Variants in BAIAP2L1 observed in about 807,000 individuals in gnomAD.
The protein encoded by BAIAP2L1 is BAR/IMD domain containing adaptor protein 2 like 1, also known as BAR/IMD domain-containing adapter protein 2-like 1.
In BAIAP2L1, 35 loss-of-function variants were observed where a neutral mutation model predicts 66.3. The observed-to-expected ratio is 0.53, with a 90% CI of 0.40 to 0.70. The LOEUF is 0.70. Ranked by LOEUF, BAIAP2L1 falls within the 30% of genes least tolerant of loss-of-function variation. The pLI is 0.00. For missense variants in BAIAP2L1, 622 were observed against 656.9 expected, an observed-to-expected ratio of 0.95 and a Z score of 0.58; for synonymous variants, 269 against 248.7, an observed-to-expected ratio of 1.08 and a Z score of -0.77.
At chr7:98,317,171 G>A (rs1430452070) in intron 6 of BAIAP2L1, 48 bp downstream of exon 6, 6 of 1,612,568 alleles carry the variant, frequency 3.7e-6, no homozygotes, top group Non-Finnish European at 4.2e-6. Flanking sequence ...CTTAAACTGT[G>A]CAAATTGTCA....
intron 12 of BAIAP2L1, among the ~76,000 whole-genome samples, chr7:98,296,832 T>TA (rs1800211976): frequency 6.6e-6 from 1 of 152,196 alleles, no homozygotes; most frequent in South Asian, 2.1e-4. Context: ...GCTTGGCACA[T>TA]ACGGTGCCTC....
intron 12 of BAIAP2L1, among the ~76,000 whole-genome samples, chr7:98,303,469 G>A (rs998000911): frequency 6.6e-6 from 1 of 152,148 alleles, no homozygotes; most frequent in Non-Finnish European, 1.5e-5. Flanking sequence ...TCCCCACCAC[G>A]CCATCACCTC....
At chr7:98,301,170 T>TG (rs1340566180) in intron 12 of BAIAP2L1, among the ~76,000 whole-genome samples, 4 of 152,194 alleles carry the variant, frequency 2.6e-5, no homozygotes, top group Admixed American at 2.0e-4. Flanking sequence ...GACAGAAGTC[T>TG]GCTGGCCTCA....
chr7:98,361,556 C>A (rs981097713), intron 2 of BAIAP2L1, among the ~76,000 whole-genome samples: 1 of 151,990 alleles, frequency 6.6e-6, no homozygotes, highest in African/African-American at 2.4e-5. Context: ...AACTGTCTTG[C>A]CCATGTTAGA....
intron 1 of BAIAP2L1, among the ~76,000 whole-genome samples, chr7:98,372,547 A>T (rs960030885): frequency 6.6e-6 from 1 of 152,160 alleles, no homozygotes; most frequent in Non-Finnish European, 1.5e-5. Flanking sequence ...CTAAGTAAAT[A>T]TGCAGTTCTG....
At chr7:98,387,787 G>A (rs9640655) in intron 1 of BAIAP2L1, among the ~76,000 whole-genome samples, 38,151 of 151,832 alleles carry the variant, frequency 0.25, 5,038 homozygotes, top group East Asian at 0.45. Context: ...GAATTTGCTT[G>A]AGCCTAGGAG....
At chr7:98,339,855 T>C (rs938844129) in intron 3 of BAIAP2L1, among the ~76,000 whole-genome samples, 12 of 152,182 alleles carry the variant, frequency 7.9e-5, no homozygotes, top group African/African-American at 2.7e-4. Context: ...TAAGTAGCGC[T>C]TGTGAACAAG....
rs556912413 is a variant in BAIAP2L1, at chr7:98,400,434, C to G, written c.51+368G>C. On this transcript the variant is annotated intron_variant, in intron 1 of 13. Transcript: ENST00000005260. The stretch of plus-strand genomic sequence containing the variant: ...AGACACACGGGGGAGAAGGAAGAAC[C>G]AGGAGGAGGGGAGGGACAGTGTCGA... The G allele has an allele frequency of 6.2e-4, 138 of 221,972 alleles. 1 individual carries two copies. The highest frequency in any genetic ancestry group is 1.7e-3 in the Admixed American group (18 of 10,846). 13.8% of individuals were successfully genotyped at this position (221,972 alleles called of 1,614,324 possible). A position where few individuals can be genotyped will look rare whatever the true frequency, so the allele number is the denominator to read the frequency against.
At chr7:98,357,020 A>AAAAATAT (rs1554337328) in intron 2 of BAIAP2L1, among the ~76,000 whole-genome samples, 1 of 28,100 alleles carries the variant, frequency 3.6e-5, no homozygotes, top group African/African-American at 2.3e-4. Flanking sequence ...AAAAAAAAAA[A>AAAAATAT]ATATATATAT....
intron 1 of BAIAP2L1, among the ~76,000 whole-genome samples, chr7:98,387,534 C>A (rs989872803): frequency 6.6e-6 from 1 of 152,108 alleles, no homozygotes; most frequent in African/African-American, 2.4e-5. Context: ...TTCTTGAGTT[C>A]TTACTATGCG....
At chr7:98,385,513 C>T (rs546759662) in intron 1 of BAIAP2L1, among the ~76,000 whole-genome samples, 8 of 151,964 alleles carry the variant, frequency 5.3e-5, no homozygotes, top group South Asian at 2.1e-4. Context: ...CTCGACCTCC[C>T]GGACTCAAGC....
At chr7:98,293,649 G>T in intron 13 of BAIAP2L1, 53 bp from the exon 14 acceptor site, 2 of 1,541,960 alleles carry the variant, frequency 1.3e-6, no homozygotes, top group Non-Finnish European at 1.8e-6. Context: ...AGGGAAACTG[G>T]ATTTTAACAG....
At chr7:98,371,797 CT>C (rs201576582) in intron 1 of BAIAP2L1, among the ~76,000 whole-genome samples, 14,541 of 140,034 alleles carry the variant, frequency 0.1, 841 homozygotes, top group South Asian at 0.18. Flanking sequence ...CTTTTAGTTT[CT>C]TTTTTTTTTT....
At chr7:98,340,509 G>A (rs1416681414) in intron 3 of BAIAP2L1, among the ~76,000 whole-genome samples, 1 of 151,922 alleles carries the variant, frequency 6.6e-6, no homozygotes, top group African/African-American at 2.4e-5. Context: ...GGATGGTCTC[G>A]ATCTCCTGGC....
chr7:98,328,918 T>C (rs1187586840), intron 3 of BAIAP2L1, among the ~76,000 whole-genome samples: 1 of 152,206 alleles, frequency 6.6e-6, no homozygotes, highest in African/African-American at 2.4e-5. Flanking sequence ...AAGGAAAAAC[T>C]GTCAATCTCC....
At chr7:98,296,239 C>T (rs1439724951) in intron 12 of BAIAP2L1, among the ~76,000 whole-genome samples, 8 of 152,170 alleles carry the variant, frequency 5.3e-5, no homozygotes, top group South Asian at 2.1e-4. Context: ...TCGTGGGGGC[C>T]GGGAACGTCC....
chr7:98,306,314 C>T, intron 11 of BAIAP2L1, 125 bp downstream of exon 11: 1 of 1,169,146 alleles, frequency 8.6e-7, no homozygotes. Context: ...GGTCTCATCT[C>T]TGACTAGTCC....
chr7:98,361,096 T>G (rs1348268873), intron 2 of BAIAP2L1, among the ~76,000 whole-genome samples: 1 of 151,864 alleles, frequency 6.6e-6, no homozygotes, highest in East Asian at 1.9e-4. Context: ...GTGGCTTAAG[T>G]TTATAATCCT....
chr7:98,396,412 G>T (rs1803210104), intron 1 of BAIAP2L1, among the ~76,000 whole-genome samples: 1 of 152,128 alleles, frequency 6.6e-6, no homozygotes, highest in African/African-American at 2.4e-5. Context: ...CAATGATGAT[G>T]AATTAACAGA....
Sources: allele counts gnomAD v4.1 joint callset (sites outside exome capture counted in the v4.1 genomes callset), GRCh38; gene constraint gnomAD v4.1.1; transcripts MANE v1.5; gene names NCBI Gene and HGNC (gene_info 2026-07-23, HGNC 2026-07-21).